The following IQSEC1 variants were observed in gnomAD, a reference collection of about 807,000 sequenced individuals.
IQSEC1 encodes IQ motif and SEC7 domain-containing protein 1.
In IQSEC1, 31 loss-of-function variants were observed where a neutral mutation model predicts 91.0. That is an observed-to-expected ratio of 0.34 (90% CI 0.26 to 0.46). IQSEC1 has a LOEUF of 0.46. Among genes scored for constraint, IQSEC1 ranks in the 20% least tolerant of loss-of-function variants. The pLI is 1.00. For missense variants in IQSEC1, 1,388 were observed against 1,575.6 expected, an observed-to-expected ratio of 0.88 and a Z score of 2.02; for synonymous variants, 699 against 662.6, an observed-to-expected ratio of 1.05 and a Z score of -0.84.
intron 3 of IQSEC1, among the ~76,000 whole-genome samples, chr3:12,928,744 G>A (rs1218682169): frequency 6.6e-6 from 1 of 152,188 alleles, no homozygotes; most frequent in Non-Finnish European, 1.5e-5. Flanking sequence ...CAGGTCGAAG[G>A]TGGGCCTTTG....
chr3:13,241,203 T>C (rs1559284405), intron 1 of IQSEC1, among the ~76,000 whole-genome samples: 3 of 152,214 alleles, frequency 2.0e-5, no homozygotes, highest in Non-Finnish European at 4.4e-5. Flanking sequence ...TTTTAGTTCA[T>C]GACCCTAAAA....
rs1038340035 is a variant in IQSEC1 at position 12,898,394 on chromosome 3, G to A, written c.*2589C>T. The A allele has an allele frequency of 7.2e-5, 11 of 152,270 alleles. No individual in the cohort carries two copies. The East Asian group carries it at 1.3e-3, about 19-fold the overall frequency. 9.4% of individuals were successfully genotyped at this position (152,270 alleles called of 1,614,324 possible). On this transcript the variant is annotated 3_prime_UTR_variant, in exon 14 of 14. Coordinates refer to ENST00000613206, the MANE Select transcript of IQSEC1 (RefSeq NM_001134382.3). ...CCTGAAGGAACACACTGAGTGCGGC[G>A]GGAAACCCCGGGAAGGGCTCAGTGG...
chr3:13,231,945 G>A (rs1417031806), intron 1 of IQSEC1, among the ~76,000 whole-genome samples: 1 of 152,220 alleles, frequency 6.6e-6, no homozygotes, highest in African/African-American at 2.4e-5. Flanking sequence ...TCACATTCTG[G>A]TGCTCCCACG....
intron 2 of IQSEC1, among the ~76,000 whole-genome samples, chr3:13,089,547 T>G (rs1053233122): frequency 4.7e-4 from 72 of 152,322 alleles, no homozygotes; most frequent in African/African-American, 1.6e-3. Flanking sequence ...TTTGTGCCAC[T>G]GCACTCCAGC....
At chr3:13,190,265 G>A (rs945732442) in intron 1 of IQSEC1, among the ~76,000 whole-genome samples, 21 of 152,302 alleles carry the variant, frequency 1.4e-4, no homozygotes, top group African/African-American at 3.8e-4. Context: ...CCTCTTAGGC[G>A]GCGGATGCTC....
chr3:13,107,639 A>G (rs971735344), intron 2 of IQSEC1, among the ~76,000 whole-genome samples: 3 of 152,252 alleles, frequency 2.0e-5, no homozygotes. Flanking sequence ...AACAACAGGT[A>G]TAATTTCTAC....
chr3:12,981,137 C>T (rs539907370), intron 1 of IQSEC1, among the ~76,000 whole-genome samples: 78 of 152,254 alleles, frequency 5.1e-4, no homozygotes, highest in African/African-American at 1.7e-3. Context: ...TGAGGCTTGG[C>T]GGGGTCGTGC....
intron 1 of IQSEC1, among the ~76,000 whole-genome samples, chr3:13,209,000 A>G (rs1295647041): frequency 6.6e-6 from 1 of 152,214 alleles, no homozygotes; most frequent in East Asian, 1.9e-4. Context: ...TGTGTGAACC[A>G]GCAGCACCTT....
intron 1 of IQSEC1, among the ~76,000 whole-genome samples, chr3:12,984,297 A>G (rs543067328): frequency 6.6e-6 from 1 of 152,314 alleles, no homozygotes; most frequent in Admixed American, 6.5e-5. Context: ...TGCCTTTGCT[A>G]GCGAGCATAC....
intron 1 of IQSEC1, among the ~76,000 whole-genome samples, chr3:13,266,444 T>G (rs982103644): frequency 6.6e-6 from 1 of 152,142 alleles, no homozygotes; most frequent in Non-Finnish European, 1.5e-5. Flanking sequence ...GCAGTGCAGC[T>G]GGGTGACGGG....
At chr3:12,902,692 A>ACC (rs1559598781) in intron 13 of IQSEC1, 81 bp downstream of exon 13, 11 of 723,916 alleles carry the variant, frequency 1.5e-5, no homozygotes, top group Non-Finnish European at 2.5e-5. Context: ...AAAAAAAAAA[A>ACC]AACCAGGACA....
chr3:12,986,941 TG>T, intron 1 of IQSEC1: 1 of 361,982 alleles, frequency 2.8e-6, no homozygotes, highest in South Asian at 1.9e-5. Context: ...ATACTAATAG[TG>T]GGGCTGGCCC....
At chr3:13,053,307 A>G (rs1404283231) in intron 1 of IQSEC1, among the ~76,000 whole-genome samples, 4 of 152,170 alleles carry the variant, frequency 2.6e-5, no homozygotes, top group African/African-American at 4.8e-5. Flanking sequence ...AAGCTCCCAA[A>G]CCTAATGCAG....
chr3:13,145,804 C>CG (rs71848559), intron 2 of IQSEC1, among the ~76,000 whole-genome samples: 5,022 of 52,760 alleles, frequency 0.095, 349 homozygotes, highest in African/African-American at 0.12. Context: ...CGCCCGGGGG[C>CG]GGGGGGGGGG....
intron 1 of IQSEC1, among the ~76,000 whole-genome samples, chr3:13,061,736 T>A (rs1460123992): frequency 6.6e-6 from 1 of 152,208 alleles, no homozygotes; most frequent in Non-Finnish European, 1.5e-5. Context: ...TGCCCCAAAC[T>A]GCCAGGCTCT....
intron 1 of IQSEC1, among the ~76,000 whole-genome samples, chr3:13,209,565 C>T (rs530379374): frequency 2.0e-5 from 3 of 152,272 alleles, no homozygotes; most frequent in Admixed American, 6.5e-5. Flanking sequence ...CACCCCCATG[C>T]CCTCCCTGCC....
At position 12,935,871 on chromosome 3, in the gene IQSEC1, G is replaced by T; in HGVS notation, c.1145C>A (p.Ser382Ter). The change falls in exon 3 of 14, where the codon TCG becomes TAG. Residue 382 changes from serine (S) to a stop codon, truncating the protein, a stop_gained. Coordinates refer to ENST00000613206, the MANE Select transcript of IQSEC1 (RefSeq NM_001134382.3). LOFTEE classifies it high-confidence loss of function. This position sits in a 1 kb window ranked among gnomAD's most constrained non-coding sequence, Gnocchi z 8.0. ...SDSSVDLSDR[S>*]ERGSLKRQSA... ...CTGCCTCTTGAGTGACCCCCGCTCCGAGCGGTCACTAAGGTCCACAGAGCT... is the reference window on the plus strand; with the variant it reads ...CTGCCTCTTGAGTGACCCCCGCTCCTAGCGGTCACTAAGGTCCACAGAGCT... The T allele has an allele frequency of 6.2e-7, 1 of 1,606,718 alleles. No individual in the cohort carries two copies. The highest frequency in any genetic ancestry group is 8.5e-7 in the Non-Finnish European group (1 of 1,179,856).
intron 3 of IQSEC1, among the ~76,000 whole-genome samples, chr3:12,934,716 A>G (rs1373529710): frequency 6.6e-6 from 1 of 151,936 alleles, no homozygotes; most frequent in African/African-American, 2.4e-5. Flanking sequence ...TCCTCTTGCT[A>G]TTTTTGGCTG....
At chr3:12,921,317 C>T (rs1020803987) in intron 5 of IQSEC1, among the ~76,000 whole-genome samples, 7 of 152,176 alleles carry the variant, frequency 4.6e-5, no homozygotes, top group African/African-American at 1.4e-4. Context: ...CCTTGCCTCC[C>T]GCCAGGGCCC....
Sources: allele counts gnomAD v4.1 joint callset (sites outside exome capture counted in the v4.1 genomes callset), GRCh38; gene constraint gnomAD v4.1.1; non-coding constraint Gnocchi (gnomAD v3.1); transcripts MANE v1.5; gene names NCBI Gene and HGNC (gene_info 2026-07-23, HGNC 2026-07-21).